PFKFB2: variants seen among roughly 807,000 people sequenced by gnomAD.
PFKFB2 encodes 6-phosphofructo-2-kinase/fructose-2,6-bisphosphatase 2.
PFKFB2 carries 53 observed loss-of-function variants against 68.0 expected under a neutral mutation model. The ratio of observed to expected loss-of-function variants is 0.78; its 90% CI spans 0.63 to 0.98. PFKFB2 has a LOEUF of 0.98. Among genes scored for constraint, PFKFB2 ranks in the 50% least tolerant of loss-of-function variants. The pLI is 0.00. For missense variants in PFKFB2, 451 were observed against 642.0 expected (o/e 0.70, Z 3.22); for synonymous variants, 222 against 227.6 (o/e 0.98, Z 0.22).
chr1:207,040,342 C>T (rs944900296), intron 1 of PFKFB2, among the ~76,000 whole-genome samples: 4 of 152,150 alleles, frequency 2.6e-5, no homozygotes, highest in Admixed American at 2.6e-4. Context: ...GCTCCAATAC[C>T]TCAAGATTCA....
Position 207,075,582 on chromosome 1 carries a change from G to T in PFKFB2, c.*3211G>T. 1.0e-6 allele frequency: 1 copy of T among 985,362 alleles called. No individual in the cohort carries two copies. The highest frequency in any genetic ancestry group is 1.2e-6 in the Non-Finnish European group (1 of 829,878). 61.0% of individuals were successfully genotyped at this position (985,362 alleles called of 1,614,324 possible). On this transcript the variant is annotated 3_prime_UTR_variant, in exon 15 of 15. Coordinates refer to ENST00000367080, the MANE Select transcript of PFKFB2 (RefSeq NM_006212.2). ...GGACTTAAAAGTACTCTCTGCTGAG[G>T]CTGTAAGTTTTGTTTTGTGAGAAAT...
intron 2 of PFKFB2, chr1:207,047,695 G>T (rs1478225592): frequency 6.6e-6 from 1 of 152,636 alleles, no homozygotes; most frequent in East Asian, 1.9e-4. Flanking sequence ...GTGCCTTGCG[G>T]ATTAGTCCAC....
chr1:207,077,787 G>C lies in PFKFB2; in HGVS notation c.*5416G>C. ...TTTTGTGTGCGTGTGTGTAGAATGG[G>C]TAAATAAAATTGTTGAGTAACTTGA... On this transcript the variant is annotated 3_prime_UTR_variant, in exon 15 of 15. Transcript: ENST00000367080. 1.0e-6 allele frequency: 1 copy of C among 985,808 alleles called. No individual in the cohort carries two copies. The allele number at this position is 985,808 out of a possible 1,614,324, so 61.1% of individuals were successfully genotyped here. A position where few individuals can be genotyped will look rare whatever the true frequency, so the allele number is the denominator to read the frequency against.
intron 2 of PFKFB2, chr1:207,045,187 GT>G (rs1203687365): frequency 1.3e-5 from 2 of 152,374 alleles, no homozygotes; most frequent in Admixed American, 1.3e-4. Context: ...TTGGAAACAA[GT>G]TTTAAGGATC....
At chr1:207,041,361 C>A (rs890898113) in intron 1 of PFKFB2, among the ~76,000 whole-genome samples, 9 of 151,852 alleles carry the variant, frequency 5.9e-5, no homozygotes, top group Admixed American at 3.9e-4. Flanking sequence ...TTAGGTATTT[C>A]TCCTAATGCT....
chr1:207,065,004 G>C (rs1182055971), intron 7 of PFKFB2, 32 bp from the exon 8 acceptor site: 1 of 1,611,210 alleles, frequency 6.2e-7, no homozygotes, highest in Admixed American at 1.7e-5. Context: ...GCAGACCTCT[G>C]ATGAGGCCTT....
In PFKFB2 at chr1:207,076,528, C is replaced by G. The variant is rs762300538; in HGVS notation, c.*4157C>G. 4 of 970,672 alleles carry G rather than the reference C, an allele frequency of 4.1e-6. No homozygotes were observed. The South Asian group carries it at 1.5e-4, about 35-fold the overall frequency. 60.1% of individuals were successfully genotyped at this position (970,672 alleles called of 1,614,324 possible). A position where few individuals can be genotyped will look rare whatever the true frequency, so the allele number is the denominator to read the frequency against. On this transcript the variant is annotated 3_prime_UTR_variant, in exon 15 of 15. Coordinates refer to ENST00000367080, the MANE Select transcript of PFKFB2 (RefSeq NM_006212.2). The stretch of plus-strand genomic sequence containing the variant: ...GGTTGCAGCACTGGTGGGGTAGAAT[C>G]GACTTTCCCTGAAGGTGACACAGAT...
intron 2 of PFKFB2, among the ~76,000 whole-genome samples, chr1:207,061,195 A>G (rs1403449714): frequency 3.4e-5 from 4 of 117,276 alleles, no homozygotes; most frequent in African/African-American, 6.5e-5. Context: ...ATATATATAT[A>G]TATATATTTT....
chr1:207,055,013 A>G, intron 2 of PFKFB2: 1 of 500,508 alleles, frequency 2.0e-6, no homozygotes, highest in East Asian at 3.5e-5. Context: ...GGTGTAGTCC[A>G]GCAGTTTCTT....
At chr1:207,051,187 T>G, upstream of PFKFB2, 1 of 1,365,738 alleles carries the variant, frequency 7.3e-7, no homozygotes, top group Non-Finnish European at 9.5e-7. Context: ...GGACAACGGG[T>G]CTTGCTACCT....
In PFKFB2 at chr1:207,073,284, T is replaced by C; in HGVS notation, c.*913T>C. Reference sequence around the variant, plus strand: ...GGAGAGTAGGGTGGGCTCTAGCTCTTGCAGGGCTCTTAGAGAGCAGTCATG... The same window carrying C: ...GGAGAGTAGGGTGGGCTCTAGCTCTCGCAGGGCTCTTAGAGAGCAGTCATG... On this transcript the variant is annotated 3_prime_UTR_variant, in exon 15 of 15. Coordinates refer to ENST00000367080, the MANE Select transcript of PFKFB2 (RefSeq NM_006212.2). The C allele has an allele frequency of 1.0e-6, 1 of 985,448 alleles. No individual in the cohort carries two copies. Among genetic ancestry groups the C allele is most frequent in the Non-Finnish European group, 1.2e-6 (1 of 829,936 alleles). The allele number at this position is 985,448 out of a possible 1,614,324, so 61.0% of individuals were successfully genotyped here.
At position 207,063,016 on chromosome 1, in the gene PFKFB2, A is replaced by T; in HGVS notation, c.309-127A>T. 1.2e-6 allele frequency: 1 copy of T among 815,554 alleles called. No individual in the cohort carries two copies. Among genetic ancestry groups the T allele is most frequent in the Non-Finnish European group, 2.1e-6 (1 of 475,378 alleles). The allele number at this position is 815,554 out of a possible 1,614,324, so 50.5% of individuals were successfully genotyped here. A position where few individuals can be genotyped will look rare whatever the true frequency, so the allele number is the denominator to read the frequency against. ...AGTGAGAAAGTTGAAAGATCTAGTTAGAGAAAGGTTTTGAACAGTGGGAAA... is the reference window on the plus strand; with the variant it reads ...AGTGAGAAAGTTGAAAGATCTAGTTTGAGAAAGGTTTTGAACAGTGGGAAA... On this transcript the variant is annotated intron_variant, in intron 4 of 14. Transcript: ENST00000367080. The surrounding 1 kb of genome is among the most constrained non-coding windows in gnomAD (Gnocchi z 4.1).
Position 207,063,131 on chromosome 1 carries a change from C to A in PFKFB2, c.309-12C>A. 6.2e-7 allele frequency: 1 copy of A among 1,612,124 alleles called. No homozygotes were observed. ...TAGCTCTCCTTGCTGGTTTCATTTGCTCTTATGGCAGACAGTGTGCTCTGG... is the reference window on the plus strand; with the variant it reads ...TAGCTCTCCTTGCTGGTTTCATTTGATCTTATGGCAGACAGTGTGCTCTGG... On this transcript the variant is annotated splice_polypyrimidine_tract_variant and intron_variant, in intron 4 of 14. Transcript: ENST00000367080. This position sits in a 1 kb window ranked among gnomAD's most constrained non-coding sequence, Gnocchi z 4.1.
chr1:207,035,361 G>T (rs1258134277), intron 1 of PFKFB2, among the ~76,000 whole-genome samples: 1 of 152,208 alleles, frequency 6.6e-6, no homozygotes, highest in Non-Finnish European at 1.5e-5. Context: ...AATTTATAAA[G>T]AAAAGAGGTT....
In PFKFB2 at chr1:207,070,420, G is replaced by C; in HGVS notation, c.1222+11G>C. ...TGGATAAGGGCGCAGGTGCCTTTGA[G>C]GGAGGGGCTGGGAGACACATCCAGT... On this transcript the variant is annotated intron_variant, in intron 12 of 14. Transcript: ENST00000367080. The surrounding 1 kb of genome is among the most constrained non-coding windows in gnomAD (Gnocchi z 4.2). The C allele has an allele frequency of 6.2e-7, 1 of 1,612,424 alleles. No homozygotes were observed. Among genetic ancestry groups the C allele is most frequent in the Non-Finnish European group, 8.5e-7 (1 of 1,179,128 alleles).
intron 7 of PFKFB2, 36 bp from the exon 8 acceptor site, chr1:207,065,000 C>T: frequency 1.2e-6 from 2 of 1,608,934 alleles, no homozygotes; most frequent in Non-Finnish European, 1.7e-6. Flanking sequence ...ACGGGCAGAC[C>T]TCTGATGAGG....
intron 14 of PFKFB2, 22 bp from the exon 15 acceptor site, chr1:207,072,182 G>T (rs1558066093): frequency 6.2e-7 from 1 of 1,610,940 alleles, no homozygotes; most frequent in Non-Finnish European, 8.5e-7. Context: ...CATTTGTGTG[G>T]TGTCACTCCA....
At chr1:207,054,881 T>G in intron 2 of PFKFB2, 79 bp downstream of exon 2, 2 of 963,332 alleles carry the variant, frequency 2.1e-6, no homozygotes, top group Non-Finnish European at 3.2e-6. Context: ...TGGACTCTGC[T>G]GCTTGGTGGG....
intron 13 of PFKFB2, 100 bp from the exon 14 acceptor site, chr1:207,071,409 T>G (rs1683461595): frequency 2.8e-6 from 3 of 1,090,512 alleles, no homozygotes; most frequent in Non-Finnish European, 4.2e-6. Flanking sequence ...CTGTGTGTAT[T>G]GCAGAATGCG....
Sources: allele counts gnomAD v4.1 joint callset (sites outside exome capture counted in the v4.1 genomes callset), GRCh38; gene constraint gnomAD v4.1.1; non-coding constraint Gnocchi (gnomAD v3.1); transcripts MANE v1.5; gene names NCBI Gene and HGNC (gene_info 2026-07-23, HGNC 2026-07-21).